PKIB: variants seen among roughly 807,000 people sequenced by gnomAD.
PKIB encodes PKI-beta.
PKIB carries 2 observed loss-of-function variants against 4.5 expected under a neutral mutation model. The ratio of observed to expected loss-of-function variants is 0.44; its 90% CI spans 0.18 to 1.39. PKIB has a LOEUF of 1.39. Among genes scored for constraint, PKIB ranks in the 40% most tolerant of loss-of-function variants. PKIB has a pLI of 0.27. For synonymous variants in PKIB, 38 were observed against 36.0 expected, an observed-to-expected ratio of 1.06 and a Z score of -0.20; for missense variants, 94 against 92.6, an observed-to-expected ratio of 1.02 and a Z score of -0.06.
chr6:122,548,440 G>A (rs753857891), intron 2 of PKIB, among the ~76,000 whole-genome samples: 8 of 152,050 alleles, frequency 5.3e-5, no homozygotes, highest in Admixed American at 3.3e-4. Flanking sequence ...ATCTGACACC[G>A]AAATGGAAAG....
At chr6:122,477,231 A>G (rs9490459) in intron 1 of PKIB, among the ~76,000 whole-genome samples, 21,536 of 152,228 alleles carry the variant, frequency 0.14, 1,621 homozygotes, top group East Asian at 0.26. Context: ...AGTAGTCCCT[A>G]TATTGGACAA....
intron 2 of PKIB, among the ~76,000 whole-genome samples, chr6:122,554,460 C>T (rs946314557): frequency 6.6e-6 from 1 of 152,148 alleles, no homozygotes; most frequent in Non-Finnish European, 1.5e-5. Flanking sequence ...TGTTCTGATA[C>T]GTTTATAAGG....
chr6:122,672,719 CAT>C (rs1777515824), intron 2 of PKIB, among the ~76,000 whole-genome samples: 1 of 151,360 alleles, frequency 6.6e-6, no homozygotes, highest in South Asian at 2.1e-4. Flanking sequence ...ATGTATTTAA[CAT>C]ATATAATAAT....
chr6:122,547,630 G>A (rs1206916780), intron 2 of PKIB, among the ~76,000 whole-genome samples: 3 of 150,982 alleles, frequency 2.0e-5, no homozygotes, highest in Non-Finnish European at 2.9e-5. Context: ...GAGCCACCGC[G>A]CCCGGCCTAT....
chr6:122,660,332 T>C (rs1776935043), intron 2 of PKIB, among the ~76,000 whole-genome samples: 1 of 152,210 alleles, frequency 6.6e-6, no homozygotes, highest in South Asian at 2.1e-4. Context: ...ACTTTCACTC[T>C]TCATCTCAGC....
At chr6:122,543,993 T>A (rs1462019066) in intron 2 of PKIB, among the ~76,000 whole-genome samples, 1 of 152,072 alleles carries the variant, frequency 6.6e-6, no homozygotes, top group Non-Finnish European at 1.5e-5. Flanking sequence ...ATTTTCTTTT[T>A]GTTTCTGTTA....
intron 2 of PKIB, among the ~76,000 whole-genome samples, chr6:122,652,259 C>A (rs1776582736): frequency 6.8e-6 from 1 of 147,682 alleles, no homozygotes; most frequent in African/African-American, 2.5e-5. Flanking sequence ...ATATACATAC[C>A]TATATATATA....
intron 3 of PKIB, among the ~76,000 whole-genome samples, chr6:122,590,301 G>A (rs1235668615): frequency 6.6e-6 from 1 of 152,194 alleles, no homozygotes; most frequent in African/African-American, 2.4e-5. Context: ...AAGCTATATA[G>A]TGTGGAGGTT....
At chr6:122,498,900 A>T (rs950960568) in intron 2 of PKIB, among the ~76,000 whole-genome samples, 1 of 152,196 alleles carries the variant, frequency 6.6e-6, no homozygotes, top group African/African-American at 2.4e-5. Flanking sequence ...GATCTTATGG[A>T]AATACAAAAG....
At chr6:122,599,140 A>G (rs558267631) in intron 3 of PKIB, among the ~76,000 whole-genome samples, 7 of 152,230 alleles carry the variant, frequency 4.6e-5, no homozygotes, top group African/African-American at 1.4e-4. Flanking sequence ...TTGTCTGGCA[A>G]TTGCCTCAGG....
At chr6:122,635,185 A>G (rs544408338) in intron 2 of PKIB, among the ~76,000 whole-genome samples, 3 of 152,190 alleles carry the variant, frequency 2.0e-5, no homozygotes, top group Non-Finnish European at 4.4e-5. Context: ...ATTTATAAGC[A>G]TAATCTTCTT....
chr6:122,486,716 T>C (rs1775776923), intron 2 of PKIB, among the ~76,000 whole-genome samples: 1 of 152,194 alleles, frequency 6.6e-6, no homozygotes, highest in Non-Finnish European at 1.5e-5. Flanking sequence ...ATTTTATTAA[T>C]ACATTTTTAA....
intron 3 of PKIB, among the ~76,000 whole-genome samples, chr6:122,600,973 C>T (rs566373862): frequency 8.0e-5 from 12 of 150,348 alleles, no homozygotes; most frequent in Admixed American, 2.7e-4. Flanking sequence ...AATAGAGATA[C>T]GGAAGATATG....
intron 2 of PKIB, among the ~76,000 whole-genome samples, chr6:122,504,181 A>G (rs981165891): frequency 6.6e-6 from 1 of 152,168 alleles, no homozygotes; most frequent in Non-Finnish European, 1.5e-5. Flanking sequence ...CTGTTGTCAA[A>G]TCTTTTGATC....
chr6:122,531,549 T>G (rs1303577728), intron 2 of PKIB: 1 of 152,186 alleles, frequency 6.6e-6, no homozygotes, highest in East Asian at 1.9e-4. Flanking sequence ...TAAATGTTCT[T>G]TATCCTTCTG....
chr6:122,617,003 C>T (rs879916846), intron 1 of PKIB, among the ~76,000 whole-genome samples: 6 of 152,142 alleles, frequency 3.9e-5, no homozygotes, highest in Admixed American at 3.9e-4. Flanking sequence ...CTTAAATCTA[C>T]AGCCTTTCTA....
chr6:122,723,648 A>ATTAT (rs1779828889), intron 4 of PKIB, among the ~76,000 whole-genome samples: 3 of 151,886 alleles, frequency 2.0e-5, no homozygotes, highest in Admixed American at 6.6e-5. Flanking sequence ...CTTCCTGCAT[A>ATTAT]TTATTGTCTT....
chr6:122,573,521 C>CAAAAAAAAAAAAA (rs61014475), intron 2 of PKIB, among the ~76,000 whole-genome samples: 1 of 87,590 alleles, frequency 1.1e-5, no homozygotes, highest in South Asian at 4.4e-4. Flanking sequence ...GACTCTGTCT[C>CAAAAAAAAAAAAA]AAAAAAAAAA....
In PKIB at chr6:122,696,540, A is replaced by G. The variant is rs1488162840; in HGVS notation, c.-8-21247A>G. Among the ~76,000 whole-genome samples, 3 of 152,238 alleles carry G rather than the reference A, an allele frequency of 2.0e-5. No individual in the cohort carries two copies. In the East Asian group the frequency reaches 5.8e-4, roughly 29 times the overall value. ...GTATGTTCTTCGACCCTAGAAAGGT[A>G]GACAAGCAATGGTCAAGAGAAGTGC... On this transcript the variant is annotated intron_variant, in intron 3 of 4. Coordinates refer to ENST00000368452, the MANE Select transcript of PKIB (RefSeq NM_181795.3).
Sources: allele counts gnomAD v4.1 joint callset (sites outside exome capture counted in the v4.1 genomes callset), GRCh38; gene constraint gnomAD v4.1.1; transcripts MANE v1.5; gene names NCBI Gene and HGNC (gene_info 2026-07-23, HGNC 2026-07-21).